Variants in TENT4A observed in about 807,000 individuals in gnomAD.
TENT4A encodes DNA polymerase kappa.
Under a neutral mutation model 72.8 loss-of-function variants are expected in TENT4A, and 7 were observed. That is an observed-to-expected ratio of 0.10 (90% CI 0.05 to 0.18). TENT4A has a LOEUF of 0.18. Ranked by LOEUF, TENT4A falls within the 10% of genes least tolerant of loss-of-function variation. The pLI is 1.00. For missense variants in TENT4A, 831 were observed against 1,017.7 expected (o/e 0.82, Z 2.50); for synonymous variants, 456 against 434.3 (o/e 1.05, Z -0.62).
rs772459536 is a variant in TENT4A at position 6,743,810 on chromosome 5, C to T, written c.1215C>T (p.Ser405=). The T allele has an allele frequency of 2.5e-6, 4 of 1,613,662 alleles. No homozygotes were observed. In the East Asian group the frequency reaches 8.9e-5, roughly 36 times the overall value. Residue 405 remains serine (S), a synonymous_variant, in exon 6 of 13, where the codon AGC becomes AGT. Transcript: ENST00000230859. ...EVFTGGISSY[S]LILMAISFLQ... ...TTACAGGTGGAATTAGCTCATACAG[C>T]CTAATTTTAATGGCCATTAGCTTTC...
In TENT4A at chr5:6,750,584, T is replaced by C. The variant is rs377594140; in HGVS notation, c.1860+81T>C. On this transcript the variant is annotated intron_variant, in intron 10 of 12. Coordinates refer to ENST00000230859, the MANE Select transcript of TENT4A (RefSeq NM_006999.6). ...TGTCCATAGCCGCGAGCTTAAAATC[T>C]CCCCCTTGGTTTTGCTCAGGTTTTG... The C allele has an allele frequency of 4.5e-6, 6 of 1,326,472 alleles. No individual in the cohort carries two copies. The East Asian group carries it at 1.3e-4, about 28-fold the overall frequency. 82.2% of individuals were successfully genotyped at this position (1,326,472 alleles called of 1,614,324 possible). A position where few individuals can be genotyped will look rare whatever the true frequency, so the allele number is the denominator to read the frequency against.
chr5:6,721,299 GTTGT>G (rs1302813761), intron 1 of TENT4A, among the ~76,000 whole-genome samples: 1 of 152,176 alleles, frequency 6.6e-6, no homozygotes, highest in Non-Finnish European at 1.5e-5. Flanking sequence ...GGAAACTTTT[GTTGT>G]TTGTCTTAGA....
Position 6,739,736 on chromosome 5 carries a change from A to G in TENT4A, c.892A>G (p.Ile298Val). The change falls in exon 4 of 13, where the codon ATA becomes GTA. Residue 298 changes from isoleucine to valine, a missense_variant. By Grantham distance (29) the Ile-to-Val change is conservative. Coordinates refer to ENST00000230859, the MANE Select transcript of TENT4A (RefSeq NM_006999.6). ...STGLYLPTSD[I>V]DLVVFGKWER... is the part of the protein sequence containing the mutation. ...ACGTGCGTTTTCTTCTGTCAGCGAC[A>G]TAGACCTGGTGGTCTTCGGGAAATG... 6.2e-7 allele frequency: 1 copy of G among 1,614,180 alleles called. No homozygotes were observed. Among genetic ancestry groups the G allele is most frequent in the South Asian group, 1.1e-5 (1 of 91,090 alleles).
chr5:6,752,888 C>T lies in TENT4A; in HGVS notation c.2035C>T (p.Pro679Ser). The stretch of plus-strand genomic sequence containing the variant: ...TTGTTCCTAGACCAGGTTTACTATA[C>T]CTCCACCGACCCTAGGGGTTGCTCC... ...TTNNQTRFTIPPPTLGVAPVP... is the reference protein window; with the variant it reads ...TTNNQTRFTISPPTLGVAPVP... Residue 679 changes from proline (P) to serine (S), a missense_variant, in exon 12 of 13, where the codon CCT (proline) becomes TCT (serine). This residue lies in a region of TENT4A where 332 missense variants were observed against 324.3 expected (regional missense o/e 1.02). Transcript: ENST00000230859. 2 of 1,613,862 alleles carry T rather than the reference C, an allele frequency of 1.2e-6. No homozygotes were observed. Among genetic ancestry groups the T allele is most frequent in the African/African-American group, 1.3e-5 (1 of 75,016 alleles).
At chr5:6,743,325 C>T (rs1741919847) in intron 5 of TENT4A, among the ~76,000 whole-genome samples, 1 of 152,172 alleles carries the variant, frequency 6.6e-6, no homozygotes, top group South Asian at 2.1e-4. Flanking sequence ...TCTCCTGCCG[C>T]TCTGCCTTCC....
chr5:6,723,928 A>C (rs2126604630), intron 1 of TENT4A, among the ~76,000 whole-genome samples: 1 of 152,276 alleles, frequency 6.6e-6, no homozygotes, highest in South Asian at 2.1e-4. Context: ...TAGAAGTTGC[A>C]TTCTATGAAG....
rs1234492283 is a variant in TENT4A at position 6,714,406 on chromosome 5, GGGCGGCGGCCGC to G, written c.431_442del (p.Gly144_Gly147del). The stretch of plus-strand genomic sequence containing the variant: ...CCAGCAGCGCCTCGCTGGGCCGGCC[GGGCGGCGGCCGC>G]GGCGGCGCCTTCTTCAACTTCGCCG... On this transcript the variant is annotated inframe_deletion, in exon 1 of 13. Coordinates refer to ENST00000230859, the MANE Select transcript of TENT4A (RefSeq NM_006999.6). The G allele has an allele frequency of 1.8e-6, 2 of 1,141,386 alleles. No homozygotes were observed. Among genetic ancestry groups the G allele is most frequent in the Admixed American group, 4.8e-5 (1 of 20,652 alleles). 70.7% of individuals were successfully genotyped at this position (1,141,386 alleles called of 1,614,324 possible). A position where few individuals can be genotyped will look rare whatever the true frequency, so the allele number is the denominator to read the frequency against.
At chr5:6,753,418 T>G (rs1742520572) in intron 12 of TENT4A, among the ~76,000 whole-genome samples, 3 of 152,204 alleles carry the variant, frequency 2.0e-5, no homozygotes, top group African/African-American at 7.2e-5. Flanking sequence ...TGATGTCCCG[T>G]GTATGCTGCT....
chr5:6,723,239 C>T (rs563011052), intron 1 of TENT4A, among the ~76,000 whole-genome samples: 36 of 152,292 alleles, frequency 2.4e-4, no homozygotes, highest in Admixed American at 2.2e-3. Flanking sequence ...CATAGCAGAG[C>T]GCAGCACAGA....
intron 4 of TENT4A, 53 bp downstream of exon 4, chr5:6,739,905 A>G: frequency 6.3e-7 from 1 of 1,578,468 alleles, no homozygotes; most frequent in Non-Finnish European, 8.7e-7. Flanking sequence ...GTCACATCCC[A>G]GGTGGTCACA....
intron 11 of TENT4A, among the ~76,000 whole-genome samples, 169 bp from the exon 12 acceptor site, chr5:6,752,704 C>T (rs1446066279): frequency 6.6e-6 from 1 of 152,220 alleles, no homozygotes; most frequent in Non-Finnish European, 1.5e-5. Flanking sequence ...CGAAGTATTT[C>T]CAATTCAAAG....
intron 1 of TENT4A, among the ~76,000 whole-genome samples, chr5:6,734,418 G>A (rs1741364913): frequency 6.6e-6 from 1 of 152,198 alleles, no homozygotes; most frequent in Non-Finnish European, 1.5e-5. Context: ...TCCCACGGCC[G>A]CCACCAGTCT....
intron 8 of TENT4A, among the ~76,000 whole-genome samples, chr5:6,749,091 T>C (rs1742256623): frequency 6.6e-6 from 1 of 152,160 alleles, no homozygotes; most frequent in Admixed American, 6.5e-5. Context: ...TGTTCTGTGG[T>C]GGATGATGGA....
In TENT4A at chr5:6,751,349, C is replaced by T; in HGVS notation, c.2019+152C>T. On this transcript the variant is annotated intron_variant, in intron 11 of 12. Transcript: ENST00000230859. ...GGTGTGTTGTTCTAGGAAATCCTCT[C>T]TTTTTTGTGGTGTTGAGGTCCCCCA... 3 of 790,320 alleles carry T rather than the reference C, an allele frequency of 3.8e-6. 1 individual carries two copies. The South Asian group carries it at 5.3e-5, about 14-fold the overall frequency. The allele number at this position is 790,320 out of a possible 1,614,324, so 49.0% of individuals were successfully genotyped here.
chr5:6,718,979 A>G (rs959817148), intron 1 of TENT4A, among the ~76,000 whole-genome samples: 1 of 152,194 alleles, frequency 6.6e-6, no homozygotes, highest in Non-Finnish European at 1.5e-5. Flanking sequence ...GAAAAAAAAA[A>G]AAAGGCTTAA....
Position 6,754,906 on chromosome 5 carries a change from A to G in TENT4A, c.2340A>G (p.Thr780=). The G allele has an allele frequency of 6.2e-7, 1 of 1,602,596 alleles. No homozygotes were observed. The highest frequency in any genetic ancestry group is 1.1e-5 in the South Asian group (1 of 90,562). ...CCGGCTGGAGGAGGAAAAAACACAC[A>G]CACACACGGGACAGTCTGCCCGTGA... ...NRTGWRRKKH[T]HTRDSLPVSL... Residue 780 remains threonine (T), a synonymous_variant, in exon 13 of 13, where the codon ACA becomes ACG. Transcript: ENST00000230859.
intron 9 of TENT4A, among the ~76,000 whole-genome samples, chr5:6,749,942 A>G (rs953580752): frequency 1.3e-5 from 2 of 152,226 alleles, no homozygotes; most frequent in South Asian, 4.1e-4. Flanking sequence ...AAATATTAAC[A>G]TTTCAACATG....
At chr5:6,746,518 G>T (rs913494761) in intron 7 of TENT4A, 91 bp downstream of exon 7, 1 of 1,163,580 alleles carries the variant, frequency 8.6e-7, no homozygotes. Flanking sequence ...TGAGAGCCCC[G>T]GGCAGTTCAT....
rs1187425252 is a variant in TENT4A at position 6,751,047 on chromosome 5, C to T, written c.1869C>T (p.Asp623=). ...TTTGTACCGGGTTCAAGGATTCAGA[C>T]ACACCGCCCTGCACAACGCCCAGTG... is the stretch of plus-strand genomic sequence containing the variant. ...SSLSGSDVDS[D]TPPCTTPSVY... is the part of the protein sequence containing the mutation. Residue 623 remains aspartate, a synonymous_variant, in exon 11 of 13, where the codon GAC becomes GAT. Coordinates refer to ENST00000230859, the MANE Select transcript of TENT4A (RefSeq NM_006999.6). 2 of 1,614,046 alleles carry T rather than the reference C, an allele frequency of 1.2e-6. No homozygotes were observed. The highest frequency in any genetic ancestry group is 1.7e-6 in the Non-Finnish European group (2 of 1,179,970).
Sources: allele counts gnomAD v4.1 joint callset (sites outside exome capture counted in the v4.1 genomes callset), GRCh38; gene constraint gnomAD v4.1.1; regional missense constraint gnomAD v4.1.1; transcripts MANE v1.5; gene names NCBI Gene and HGNC (gene_info 2026-07-23, HGNC 2026-07-21).